Variants in SNRPN observed in about 807,000 individuals in gnomAD.
SNRPN encodes the protein small nuclear ribonucleoprotein-associated protein N.
A neutral mutation model predicts 25.2 loss-of-function variants in SNRPN; 7 were observed. The ratio of observed to expected loss-of-function variants is 0.28; its 90% confidence interval spans 0.16 to 0.52. The LOEUF (loss-of-function observed/expected upper bound fraction) is 0.52, where lower values mean the gene tolerates loss of function less well. Among genes scored for constraint, SNRPN ranks in the 20% least tolerant of loss-of-function variants. SNRPN has a pLI of 0.96. For synonymous variants in SNRPN, 124 were observed against 110.6 expected, an observed-to-expected ratio of 1.12 and a Z score of -0.76; for missense variants, 196 against 322.5, an observed-to-expected ratio of 0.61 and a Z score of 3.00.
chr15:24,868,652 G>T (rs1343010298), intron 1 of SNRPN, among the ~76,000 whole-genome samples: 5 of 152,136 alleles, frequency 3.3e-5, no homozygotes, highest in African/African-American at 1.2e-4. Flanking sequence ...TCTCCAACCT[G>T]CAACAGTTTC....
chr15:24,915,340 C>A (rs2059446351), intron 2 of SNRPN, among the ~76,000 whole-genome samples: 1 of 152,040 alleles, frequency 6.6e-6, no homozygotes, highest in Non-Finnish European at 1.5e-5. Context: ...GTTGGTCAGG[C>A]TGGTCTCAAA....
In SNRPN at chr15:24,930,321, T is replaced by C. The variant is rs573400045; in HGVS notation, c.-391+10197T>C. On this transcript the variant is annotated intron_variant, in intron 3 of 11. Coordinates refer to the SNRPN transcript ENST00000400097. ...GTTTCTTTTTATTTCAATGATGAGA[T>C]GGAGAAATATATTATTTTACATGAG... Among the ~76,000 whole-genome samples, 89 of 151,576 alleles carry C rather than the reference T, an allele frequency of 5.9e-4. 1 individual carries two copies. The highest frequency in any genetic ancestry group is 2.1e-3 in the African/African-American group (88 of 41,456).
At chr15:24,848,434 C>T (rs1198172857) in intron 2 of SNRPN, 4 of 152,116 alleles carry the variant, frequency 2.6e-5, no homozygotes, top group Non-Finnish European at 5.9e-5. Context: ...TGCGTTTTCC[C>T]GTAAAATTTT....
chr15:24,893,547 G>A (rs111700206), intron 2 of SNRPN, among the ~76,000 whole-genome samples: 2,439 of 152,104 alleles, frequency 0.016, 125 homozygotes, highest in Admixed American at 0.11. Context: ...GAGCCCAGGA[G>A]GTCAAGGCTG....
At chr15:24,918,380 CATA>C (rs1403204217) in intron 2 of SNRPN, among the ~76,000 whole-genome samples, 7 of 107,308 alleles carry the variant, frequency 6.5e-5, no homozygotes, top group Admixed American at 5.1e-4. Context: ...ATATATATAA[CATA>C]ATATATATGT....
At chr15:24,828,872 A>C (rs991611064) in intron 1 of SNRPN, among the ~76,000 whole-genome samples, 3 of 152,124 alleles carry the variant, frequency 2.0e-5, no homozygotes, top group Non-Finnish European at 2.9e-5. Flanking sequence ...GAATAGGTGC[A>C]GATGATAGAG....
chr15:24,852,791 C>T (rs1286000496), upstream of SNRPN, among the ~76,000 whole-genome samples: 1 of 151,956 alleles, frequency 6.6e-6, no homozygotes, highest in Non-Finnish European at 1.5e-5. Context: ...CTAGGTGTTG[C>T]AGCATATGTC....
At chr15:24,895,506 G>C (rs760792922) in intron 2 of SNRPN, among the ~76,000 whole-genome samples, 1 of 151,770 alleles carries the variant, frequency 6.6e-6, no homozygotes, top group Non-Finnish European at 1.5e-5. Flanking sequence ...TTGGATGACT[G>C]AGTCAAAAAG....
chr15:24,835,907 T>C (rs867549580), intron 2 of SNRPN, among the ~76,000 whole-genome samples: 24 of 152,118 alleles, frequency 1.6e-4, no homozygotes, highest in Middle Eastern at 6.8e-3. Context: ...TCAAGCCATC[T>C]TCCCTCTTCG....
intron 3 of SNRPN, among the ~76,000 whole-genome samples, chr15:24,947,658 A>G (rs1227104436): frequency 2.6e-5 from 4 of 152,100 alleles, no homozygotes; most frequent in African/African-American, 4.8e-5. Flanking sequence ...AGAAAAACAT[A>G]ACCTAATTTT....
At chr15:24,842,147 G>C (rs139128382) in intron 2 of SNRPN, among the ~76,000 whole-genome samples, 136 of 152,198 alleles carry the variant, frequency 8.9e-4, no homozygotes, top group African/African-American at 3.1e-3. Flanking sequence ...CACTTTGCCA[G>C]AAAGCCATGT....
chr15:24,880,344 TTCCGTTTTCAATCCTCGAACTTTTCC>T (rs1445680105), intron 1 of SNRPN, among the ~76,000 whole-genome samples: 2 of 151,994 alleles, frequency 1.3e-5, no homozygotes, highest in Non-Finnish European at 2.9e-5. Context: ...CACTCTTGAG[TTCCGTTTTCAATCCTCGAACTTTTCC>T]TGGAGCCCGC....
At chr15:24,959,969 A>G (rs1193142880) in intron 1 of SNRPN, among the ~76,000 whole-genome samples, 2 of 152,160 alleles carry the variant, frequency 1.3e-5, no homozygotes, top group East Asian at 3.9e-4. Context: ...GGTATAATAG[A>G]AAGAACATGA....
At chr15:24,866,973 T>G (rs2054627069) in intron 1 of SNRPN, among the ~76,000 whole-genome samples, 1 of 152,158 alleles carries the variant, frequency 6.6e-6, no homozygotes, top group South Asian at 2.1e-4. Flanking sequence ...TTGTGAACAA[T>G]GTTAAACACT....
At position 24,963,734 on chromosome 15, in the gene SNRPN, C is replaced by T. The variant is rs548890335; in HGVS notation, c.-295+1525C>T. Reference sequence around the variant, plus strand: ...TAGTTTGTGTGTCTTTTGTTATTTCCTCATTTTATATGTGAAAAGTTGAGC... The same window carrying T: ...TAGTTTGTGTGTCTTTTGTTATTTCTTCATTTTATATGTGAAAAGTTGAGC... On this transcript the variant is annotated intron_variant, in intron 2 of 9. Coordinates refer to ENST00000390687, the MANE Select transcript of SNRPN (RefSeq NM_003097.6). 3.5e-3 allele frequency among the ~76,000 whole-genome samples: 527 copies of T among 151,472 alleles called. 2 individuals carry two copies. Among genetic ancestry groups the T allele is most frequent in the Non-Finnish European group, 5.6e-3 (378 of 67,884 alleles).
chr15:24,909,976 T>C (rs2059108223), intron 2 of SNRPN, among the ~76,000 whole-genome samples: 1 of 152,200 alleles, frequency 6.6e-6, no homozygotes, highest in East Asian at 1.9e-4. Flanking sequence ...AACCAGACTT[T>C]AGGCTAAGAA....
At chr15:24,867,090 A>C (rs2054635847) in intron 1 of SNRPN, among the ~76,000 whole-genome samples, 1 of 152,196 alleles carries the variant, frequency 6.6e-6, no homozygotes, top group African/African-American at 2.4e-5. Flanking sequence ...TAAAATATAC[A>C]TGAGTGTAGG....
upstream of SNRPN, chr15:24,852,145 C>A (rs2052912200): frequency 6.6e-6 from 1 of 152,152 alleles, no homozygotes; most frequent in Admixed American, 6.5e-5. Flanking sequence ...GATGTCACAA[C>A]TACATGTTCT....
intron 3 of SNRPN, among the ~76,000 whole-genome samples, chr15:24,943,467 C>T (rs1007249824): frequency 2.1e-4 from 32 of 152,116 alleles, no homozygotes; most frequent in Admixed American, 1.2e-3. Flanking sequence ...GAGTGGGGGC[C>T]GTGGACATTT....
Sources: gnomAD v4.1 joint callset for allele counts (sites outside exome capture counted in the v4.1 genomes callset) on GRCh38, gnomAD v4.1.1 for gene constraint, MANE v1.5 for transcripts, NCBI Gene and HGNC (gene_info 2026-07-23, HGNC 2026-07-21) for gene names.